Variants in INVS observed in about 807,000 individuals in gnomAD.
INVS encodes inversion of embryo turning homolog.
Under a neutral mutation model 108.8 loss-of-function variants are expected in INVS, and 86 were observed. The ratio of observed to expected loss-of-function variants is 0.79; its 90% CI spans 0.66 to 0.95. INVS has a LOEUF of 0.95. Ranked by LOEUF, INVS falls within the 40% of genes least tolerant of loss-of-function variation. INVS has a pLI of 0.00. For missense variants in INVS, 1,169 were observed against 1,297.4 expected (o/e 0.90, Z 1.52); for synonymous variants, 455 against 473.5 (o/e 0.96, Z 0.51).
chr9:100,117,956 A>C (rs139373538), intron 2 of INVS, among the ~76,000 whole-genome samples: 133 of 152,224 alleles, frequency 8.7e-4, no homozygotes, highest in Non-Finnish European at 1.6e-3. Flanking sequence ...TGCAACTCAG[A>C]AGAGAGGCCT....
At chr9:100,132,292 A>AAT (rs1828078262) in intron 3 of INVS, among the ~76,000 whole-genome samples, 1 of 152,332 alleles carries the variant, frequency 6.6e-6, no homozygotes, top group South Asian at 2.1e-4. Context: ...AAATAGATTT[A>AAT]ATATGAAGGG....
At chr9:100,184,902 A>G (rs1830009118) in intron 3 of INVS, among the ~76,000 whole-genome samples, 1 of 152,176 alleles carries the variant, frequency 6.6e-6, no homozygotes, top group South Asian at 2.1e-4. Flanking sequence ...AGGAGTAGAT[A>G]CTCAAGTTAC....
At chr9:100,252,587 G>C (rs1261775724) in intron 9 of INVS, 149 bp downstream of exon 9, 4 of 813,570 alleles carry the variant, frequency 4.9e-6, no homozygotes, top group Non-Finnish European at 6.1e-6. Context: ...GGAACCTCAA[G>C]TTCTACTCCT....
chr9:100,247,339 C>T (rs1365944482), intron 8 of INVS, among the ~76,000 whole-genome samples: 1 of 152,076 alleles, frequency 6.6e-6, no homozygotes, highest in Admixed American at 6.6e-5. Context: ...TTACTAGATA[C>T]TTCTTTTAAT....
chr9:100,176,991 C>T (rs535597720), intron 3 of INVS, among the ~76,000 whole-genome samples: 1 of 151,048 alleles, frequency 6.6e-6, no homozygotes, highest in Admixed American at 6.6e-5. Context: ...AACCATATCA[C>T]CTTTAAAAAA....
intron 3 of INVS, among the ~76,000 whole-genome samples, chr9:100,157,894 CT>C (rs1368916311): frequency 6.6e-5 from 10 of 152,272 alleles, no homozygotes; most frequent in Admixed American, 2.0e-4. Flanking sequence ...AAAATGCTAC[CT>C]TTTCTGACAC....
chr9:100,211,964 C>A (rs989641854), intron 3 of INVS, among the ~76,000 whole-genome samples: 1 of 152,078 alleles, frequency 6.6e-6, no homozygotes, highest in African/African-American at 2.4e-5. Context: ...GAAATTTTAG[C>A]AATAAAACAC....
intron 3 of INVS, among the ~76,000 whole-genome samples, chr9:100,180,555 T>A (rs1257513990): frequency 6.6e-6 from 1 of 152,146 alleles, no homozygotes; most frequent in Admixed American, 6.6e-5. Flanking sequence ...CCTGGACACA[T>A]ACACCCTCCT....
chr9:100,217,156 A>T (rs1436795761), intron 3 of INVS, among the ~76,000 whole-genome samples: 1 of 152,100 alleles, frequency 6.6e-6, no homozygotes, highest in Non-Finnish European at 1.5e-5. Flanking sequence ...CAAAAATATA[A>T]AAATTAGCCA....
rs745586098 is a variant in INVS, at chr9:100,273,041, G to A, written c.1749G>A (p.Met583Ile). 2 of 1,614,034 alleles carry A rather than the reference G, an allele frequency of 1.2e-6. No homozygotes were observed. The highest frequency in any genetic ancestry group is 1.7e-6 in the Non-Finnish European group (2 of 1,180,008). The change falls in exon 12 of 17, where the codon ATG becomes ATA. Residue 583 changes from methionine to isoleucine, a missense_variant. By Grantham distance (10) the Met-to-Ile change is conservative (BLOSUM62 1). Transcript: ENST00000262457. ...TCCGAGACAGGAAAAATCTCCTCAT[G>A]AAGCATGAACAGTTGAGAAAAGATG... ...KAFRDRKNLL[M>I]KHEQLRKDAA...
At chr9:100,170,657 G>T (rs1018660304) in intron 3 of INVS, among the ~76,000 whole-genome samples, 1 of 152,162 alleles carries the variant, frequency 6.6e-6, no homozygotes. Context: ...AAATAGGTTT[G>T]TGTTTGGGGT....
rs182786344 is a variant in INVS, at chr9:100,174,419, G to A, written c.273+47870G>A. 2.9e-4 allele frequency among the ~76,000 whole-genome samples: 44 copies of A among 151,546 alleles called. No individual in the cohort carries two copies. In the East Asian group the frequency reaches 5.4e-3, roughly 19 times the overall value. On this transcript the variant is annotated intron_variant, in intron 3 of 16. Coordinates refer to ENST00000262457, the MANE Select transcript of INVS (RefSeq NM_014425.5). Reference sequence around the variant, plus strand: ...CCAATCTTTAAAAAAAAAAAGAAGCGAATATACTAAGAAAAAAGTGAGTCT... The same window carrying A: ...CCAATCTTTAAAAAAAAAAAGAAGCAAATATACTAAGAAAAAAGTGAGTCT...
chr9:100,215,562 G>T (rs766546225), intron 3 of INVS: 1 of 152,184 alleles, frequency 6.6e-6, no homozygotes, highest in Non-Finnish European at 1.5e-5. Flanking sequence ...AACAATTCCA[G>T]ATACCTGAGG....
intron 3 of INVS, among the ~76,000 whole-genome samples, chr9:100,162,753 G>C (rs900457330): frequency 1.4e-4 from 22 of 151,984 alleles, no homozygotes; most frequent in African/African-American, 4.6e-4. Context: ...CTTGAACCTG[G>C]GAGGCGGAGG....
At chr9:100,275,335 G>A (rs916311239) in intron 12 of INVS, among the ~76,000 whole-genome samples, 1 of 152,174 alleles carries the variant, frequency 6.6e-6, no homozygotes, top group Non-Finnish European at 1.5e-5. Flanking sequence ...CCAGTTTATT[G>A]TGTGACAATC....
intron 3 of INVS, among the ~76,000 whole-genome samples, chr9:100,225,794 C>G (rs1004031672): frequency 6.6e-6 from 1 of 151,868 alleles, no homozygotes. Context: ...CAATAATAGA[C>G]TGGTTAAATA....
intron 2 of INVS, among the ~76,000 whole-genome samples, chr9:100,119,428 C>T (rs775664007): frequency 1.3e-5 from 2 of 152,220 alleles, no homozygotes; most frequent in Non-Finnish European, 2.9e-5. Flanking sequence ...TTCACAGTTT[C>T]TGTATGTCAG....
At chr9:100,247,134 A>G (rs1374603107) in intron 8 of INVS, among the ~76,000 whole-genome samples, 1 of 151,590 alleles carries the variant, frequency 6.6e-6, no homozygotes, top group African/African-American at 2.4e-5. Flanking sequence ...AGTAGTCATG[A>G]ATTATATTTT....
At chr9:100,185,973 T>C (rs1564149527) in intron 3 of INVS, among the ~76,000 whole-genome samples, 1 of 152,202 alleles carries the variant, frequency 6.6e-6, no homozygotes, top group African/African-American at 2.4e-5. Flanking sequence ...GTTGATTCCA[T>C]ATCTTTGCAA....
Sources: gnomAD v4.1 joint callset for allele counts (sites outside exome capture counted in the v4.1 genomes callset) on GRCh38, gnomAD v4.1.1 for gene constraint, MANE v1.5 for transcripts, NCBI Gene and HGNC (gene_info 2026-07-23, HGNC 2026-07-21) for gene names.